Variants in FAM163A observed in about 807,000 individuals in gnomAD.
The protein encoded by FAM163A is family with sequence similarity 163 member A.
In FAM163A, 7 loss-of-function variants were observed where a neutral mutation model predicts 12.0. The observed-to-expected ratio is 0.58, with a 90% CI of 0.33 to 1.10. The LOEUF (loss-of-function observed/expected upper bound fraction) is 1.10, where lower values mean the gene tolerates loss of function less well. Among genes scored for constraint, FAM163A ranks in the 50% least tolerant of loss-of-function variants. FAM163A has a pLI of 0.03. For missense variants in FAM163A, 202 were observed against 218.6 expected, an observed-to-expected ratio of 0.92 and a Z score of 0.48; for synonymous variants, 101 against 91.0, an observed-to-expected ratio of 1.11 and a Z score of -0.62.
In FAM163A at chr1:179,813,953, G is replaced by A; in HGVS notation, c.268G>A (p.Val90Met). 3 of 1,612,958 alleles carry A rather than the reference G, an allele frequency of 1.9e-6. No individual in the cohort carries two copies. The highest frequency in any genetic ancestry group is 2.5e-6 in the Non-Finnish European group (3 of 1,179,596). Residue 90 changes from valine (V) to methionine (M), a missense_variant, in exon 5 of 5, where the codon GTG (valine) becomes ATG (methionine). Coordinates refer to ENST00000341785, the MANE Select transcript of FAM163A (RefSeq NM_173509.3). ...CGAGCCCTGCAGCCAGCCCTGTGGG[G>A]TGGCCGCGAGCCACTGCACTACCTG... The part of the protein sequence containing the change: ...TSEPCSQPCG[V>M]AASHCTTCSP...
chr1:179,801,890 C>G (rs1484154836), intron 1 of FAM163A, among the ~76,000 whole-genome samples: 4 of 152,162 alleles, frequency 2.6e-5, no homozygotes, highest in Non-Finnish European at 5.9e-5. Flanking sequence ...CCCAAATGGT[C>G]TAAACTGTAA....
upstream of FAM163A, among the ~76,000 whole-genome samples, chr1:179,739,455 A>G (rs983750752): frequency 3.3e-5 from 5 of 152,248 alleles, no homozygotes; most frequent in African/African-American, 9.6e-5. Context: ...CCCACTGGCC[A>G]CAAGCCTCCC....
chr1:179,741,077 C>T (rs1401137691), upstream of FAM163A, among the ~76,000 whole-genome samples: 1 of 152,202 alleles, frequency 6.6e-6, no homozygotes, highest in Non-Finnish European at 1.5e-5. Context: ...ACTTTATAAA[C>T]AGCTTTTATG....
chr1:179,745,474 G>A (rs928463821), intron 1 of FAM163A, among the ~76,000 whole-genome samples: 3 of 152,162 alleles, frequency 2.0e-5, no homozygotes, highest in African/African-American at 4.8e-5. Context: ...AGAGGCCCAC[G>A]CTGGGATTTT....
chr1:179,812,085 C>T (rs939632549), intron 2 of FAM163A, 25 bp from the exon 3 acceptor site: 1 of 152,658 alleles, frequency 6.6e-6, no homozygotes, highest in African/African-American at 2.4e-5. Context: ...CTTCCAACAT[C>T]TCTGTCCTTT....
At chr1:179,730,822 A>G in the FAM163A span, among the ~76,000 whole-genome samples, 3 of 152,354 alleles carry the variant, frequency 2.0e-5, no homozygotes, top group African/African-American at 7.2e-5. Flanking sequence ...ATGAGCAACA[A>G]CAATAAATAG....
intron 2 of FAM163A, among the ~76,000 whole-genome samples, chr1:179,809,925 C>T (rs1199295145): frequency 6.6e-6 from 1 of 152,200 alleles, no homozygotes; most frequent in East Asian, 1.9e-4. Context: ...GCCCGCCATG[C>T]ACCTGGGCAA....
At chr1:179,788,183 C>T (rs1411072437) in intron 1 of FAM163A, among the ~76,000 whole-genome samples, 7 of 152,196 alleles carry the variant, frequency 4.6e-5, no homozygotes, top group Non-Finnish European at 1.0e-4. Context: ...TATTTCCCTG[C>T]TCCTCTAGTC....
intron 1 of FAM163A, among the ~76,000 whole-genome samples, chr1:179,763,774 C>T (rs566469628): frequency 6.6e-6 from 1 of 152,278 alleles, no homozygotes; most frequent in South Asian, 2.1e-4. Flanking sequence ...GCCAGACCTC[C>T]TCCCCAAAAT....
At chr1:179,747,412 G>A (rs1684647649) in intron 1 of FAM163A, among the ~76,000 whole-genome samples, 1 of 152,214 alleles carries the variant, frequency 6.6e-6, no homozygotes, top group Non-Finnish European at 1.5e-5. Context: ...ATTAGGTACT[G>A]CCTTTCTTTT....
At chr1:179,740,303 T>A (rs1320256238), upstream of FAM163A, among the ~76,000 whole-genome samples, 6 of 152,146 alleles carry the variant, frequency 3.9e-5, no homozygotes, top group African/African-American at 1.4e-4. Flanking sequence ...TTTAGCCTCT[T>A]GTGTAGCTGG....
chr1:179,734,522 G>A, the FAM163A span, among the ~76,000 whole-genome samples: 1 of 152,134 alleles, frequency 6.6e-6, no homozygotes, highest in East Asian at 1.9e-4. Flanking sequence ...CTAAATCAAG[G>A]TAGCAGCAGG....
rs114632609 is a variant in FAM163A, at chr1:179,797,489, C to A, written c.-135-10309C>A. Among the ~76,000 whole-genome samples, 1,398 of 152,150 alleles carry A rather than the reference C, an allele frequency of 9.2e-3. 22 individuals carry two copies. The highest frequency in any genetic ancestry group is 0.032 in the African/African-American group (1,321 of 41,492). Reference sequence around the variant, plus strand: ...AAATAAGACTTGTCAAGACAGGCGGCATAAGTTCAAGACCTCTATTGTGCA... The same window carrying A: ...AAATAAGACTTGTCAAGACAGGCGGAATAAGTTCAAGACCTCTATTGTGCA... On this transcript the variant is annotated intron_variant, in intron 1 of 4. Transcript: ENST00000341785.
the FAM163A span, among the ~76,000 whole-genome samples, chr1:179,731,476 G>A: frequency 1.3e-5 from 2 of 152,186 alleles, no homozygotes; most frequent in South Asian, 2.1e-4. Flanking sequence ...GAAAGCAACC[G>A]GAATGAAATT....
At chr1:179,761,826 CT>C (rs112730979) in intron 1 of FAM163A, among the ~76,000 whole-genome samples, 25 of 147,784 alleles carry the variant, frequency 1.7e-4, no homozygotes, top group Admixed American at 4.7e-4. Context: ...GATTGAATGC[CT>C]TTTTTTTTTG....
rs181355899 is a variant in FAM163A, at chr1:179,791,717, C to T, written c.-135-16081C>T. Among the ~76,000 whole-genome samples the T allele has an allele frequency of 5.6e-4, 85 of 152,254 alleles. No homozygotes were observed. In the Middle Eastern group the frequency reaches 0.014, roughly 24 times the overall value. ...ATTTAGACATATCATCTGTGGCCTC[C>T]ATTTATATTTTTGCCCTCACCCCTA... is the stretch of plus-strand genomic sequence containing the variant. On this transcript the variant is annotated intron_variant, in intron 1 of 4. Coordinates refer to ENST00000341785, the MANE Select transcript of FAM163A (RefSeq NM_173509.3).
chr1:179,737,727 C>T, the FAM163A span, among the ~76,000 whole-genome samples: 14 of 151,720 alleles, frequency 9.2e-5, no homozygotes, highest in Non-Finnish European at 1.5e-4. Flanking sequence ...CCCAGCTACT[C>T]GGGAGGCTGA....
chr1:179,733,327 A>G, the FAM163A span, among the ~76,000 whole-genome samples: 2 of 152,214 alleles, frequency 1.3e-5, no homozygotes, highest in African/African-American at 4.8e-5. Flanking sequence ...CCTATTGACC[A>G]TATTATCTGT....
chr1:179,805,872 G>A (rs932075719), intron 1 of FAM163A, among the ~76,000 whole-genome samples: 7 of 152,158 alleles, frequency 4.6e-5, no homozygotes, highest in African/African-American at 1.2e-4. Flanking sequence ...CCTCTCTTCC[G>A]AAGTTCCCTT....
Sources: gnomAD v4.1 joint callset for allele counts (sites outside exome capture counted in the v4.1 genomes callset) on GRCh38, gnomAD v4.1.1 for gene constraint, MANE v1.5 for transcripts, NCBI Gene and HGNC (gene_info 2026-07-23, HGNC 2026-07-21) for gene names.